The following OLFML2B variants were observed in gnomAD, a reference collection of about 807,000 sequenced individuals.
OLFML2B encodes olfactomedin-like protein 2B.
OLFML2B carries 57 observed loss-of-function variants against 74.9 expected under a neutral mutation model. The observed-to-expected ratio is 0.76, with a 90% CI of 0.61 to 0.95. The LOEUF is 0.95. Ranked by LOEUF, OLFML2B falls within the 40% of genes least tolerant of loss-of-function variation. The pLI is 0.00. For synonymous variants in OLFML2B, 388 were observed against 405.8 expected (o/e 0.96, Z 0.53); for missense variants, 986 against 970.6 (o/e 1.02, Z -0.21).
At chr1:162,015,934 TA>T (rs1233087355) in intron 3 of OLFML2B, among the ~76,000 whole-genome samples, 1 of 152,174 alleles carries the variant, frequency 6.6e-6, no homozygotes, top group Non-Finnish European at 1.5e-5. Context: ...TCAGACCTCA[TA>T]TCTGATGTGA....
chr1:162,010,072 G>A (rs1690334416), intron 3 of OLFML2B, among the ~76,000 whole-genome samples: 1 of 152,232 alleles, frequency 6.6e-6, no homozygotes, highest in African/African-American at 2.4e-5. Flanking sequence ...GCAGAAGCAA[G>A]TGTACCCATG....
At chr1:162,012,446 T>G (rs1690416532) in intron 3 of OLFML2B, among the ~76,000 whole-genome samples, 1 of 152,216 alleles carries the variant, frequency 6.6e-6, no homozygotes, top group Non-Finnish European at 1.5e-5. Flanking sequence ...CCCTCAGCAA[T>G]GCCTGTGCCA....
intron 2 of OLFML2B, among the ~76,000 whole-genome samples, chr1:162,019,637 G>A (rs1690640514): frequency 6.6e-6 from 1 of 152,108 alleles, no homozygotes; most frequent in Non-Finnish European, 1.5e-5. Flanking sequence ...CTTGAAGAAC[G>A]CTGAGTTCTT....
At chr1:161,991,302 A>G (rs2101949864) in intron 6 of OLFML2B, among the ~76,000 whole-genome samples, 1 of 152,352 alleles carries the variant, frequency 6.6e-6, no homozygotes, top group East Asian at 1.9e-4. Context: ...ATAAGACTTG[A>G]AAGTCAAAAA....
chr1:162,022,808 T>A (rs1690760800), intron 1 of OLFML2B, among the ~76,000 whole-genome samples: 1 of 152,090 alleles, frequency 6.6e-6, no homozygotes, highest in African/African-American at 2.4e-5. Flanking sequence ...CATGCTTCTG[T>A]TCTGACTTCA....
chr1:162,018,845 GA>G (rs889841480), intron 2 of OLFML2B, among the ~76,000 whole-genome samples: 1 of 152,220 alleles, frequency 6.6e-6, no homozygotes, highest in African/African-American at 2.4e-5. Flanking sequence ...CCTACCAGAG[GA>G]AGAGAGCTGA....
At chr1:162,004,841 A>G (rs1026440347) in intron 4 of OLFML2B, among the ~76,000 whole-genome samples, 1 of 152,194 alleles carries the variant, frequency 6.6e-6, no homozygotes, top group Non-Finnish European at 1.5e-5. Flanking sequence ...GACTCCCCGA[A>G]GCCGAGGGGA....
At chr1:161,998,423 G>A (rs1162395711) in intron 5 of OLFML2B, 74 bp from the exon 6 acceptor site, 1 of 1,483,750 alleles carries the variant, frequency 6.7e-7, no homozygotes, top group Non-Finnish European at 9.1e-7. Context: ...ACATGGCAAT[G>A]AGCAGGTGAA....
intron 4 of OLFML2B, 45 bp downstream of exon 4, chr1:162,006,252 C>T: frequency 6.7e-7 from 1 of 1,501,288 alleles, no homozygotes; most frequent in Non-Finnish European, 8.9e-7. Context: ...TGATATCACA[C>T]TTCCAGGGCT....
intron 6 of OLFML2B, among the ~76,000 whole-genome samples, chr1:161,996,872 T>A (rs746115363): frequency 1.3e-5 from 2 of 152,224 alleles, no homozygotes; most frequent in Non-Finnish European, 2.9e-5. Flanking sequence ...AAAACTCCTA[T>A]TCAGGCCCAG....
At chr1:162,013,171 C>T (rs1296655297) in intron 3 of OLFML2B, among the ~76,000 whole-genome samples, 1 of 152,170 alleles carries the variant, frequency 6.6e-6, no homozygotes, top group East Asian at 1.9e-4. Flanking sequence ...AGACTTTTAA[C>T]TCCTATCTCT....
At chr1:161,993,026 G>A (rs1689786003) in intron 6 of OLFML2B, among the ~76,000 whole-genome samples, 3 of 152,050 alleles carry the variant, frequency 2.0e-5, no homozygotes, top group African/African-American at 4.8e-5. Flanking sequence ...GGGCATGCCT[G>A]TATGTCTTTA....
rs12039519 is a variant in OLFML2B, at chr1:161,983,610, G to A, written c.*65C>T. 0.033 allele frequency: 49,917 copies of A among 1,524,914 alleles called. 2,688 individuals carry two copies. Among genetic ancestry groups the A allele is most frequent in the African/African-American group, 0.23 (16,755 of 72,552 alleles). 94.5% of individuals were successfully genotyped at this position (1,524,914 alleles called of 1,614,324 possible). On this transcript the variant is annotated 3_prime_UTR_variant, in exon 8 of 8. Coordinates refer to ENST00000294794, the MANE Select transcript of OLFML2B (RefSeq NM_015441.3). ...CACATACCCACCTACACACACGTGC[G>A]CGCACACACATACACACAAGGTGCT...
Position 161,984,971 on chromosome 1 carries a change from T to C in OLFML2B, c.1484A>G (p.Lys495Arg). Residue 495 changes from lysine to arginine, a missense_variant, in exon 7 of 8, where the codon AAG becomes AGG. Lys to Arg is a conservative substitution (Grantham distance 26). Transcript: ENST00000294794. Reference sequence around the variant, plus strand: ...CCCCGTGATTGTGGAGAGAGTGTCCTTGCACCTTCCTGGTGGAGAAGAGGT... The same window carrying C: ...CCCCGTGATTGTGGAGAGAGTGTCCCTGCACCTTCCTGGTGGAGAAGAGGT... ...DDIRNVIGRC[K>R]DTLSTITGPT... 4.4e-6 allele frequency: 7 copies of C among 1,607,182 alleles called. No individual in the cohort carries two copies. The highest frequency in any genetic ancestry group is 1.1e-5 in the South Asian group (1 of 90,566).
chr1:162,007,117 T>C (rs994708864), intron 3 of OLFML2B, among the ~76,000 whole-genome samples: 3 of 152,202 alleles, frequency 2.0e-5, no homozygotes, highest in African/African-American at 7.2e-5. Context: ...CCAGACCTGG[T>C]TCATACCAGA....
At chr1:162,011,517 C>T (rs957692607) in intron 3 of OLFML2B, among the ~76,000 whole-genome samples, 4 of 152,218 alleles carry the variant, frequency 2.6e-5, no homozygotes, top group Non-Finnish European at 4.4e-5. Flanking sequence ...TGGAAACAGC[C>T]GGTGCTCCTG....
At chr1:161,989,578 T>C (rs1376463365) in intron 6 of OLFML2B, among the ~76,000 whole-genome samples, 2 of 152,190 alleles carry the variant, frequency 1.3e-5, no homozygotes, top group East Asian at 3.8e-4. Flanking sequence ...TTTTTGGGCA[T>C]ATGATCTGTG....
At chr1:162,009,632 C>A (rs1690318799) in intron 3 of OLFML2B, among the ~76,000 whole-genome samples, 1 of 152,230 alleles carries the variant, frequency 6.6e-6, no homozygotes, top group South Asian at 2.1e-4. Context: ...TTATTCCCCT[C>A]ACGGGAATGG....
intron 4 of OLFML2B, among the ~76,000 whole-genome samples, chr1:162,000,773 T>C (rs1010495303): frequency 2.0e-5 from 3 of 152,158 alleles, no homozygotes; most frequent in East Asian, 1.9e-4. Flanking sequence ...GAGATCCATG[T>C]GAGGGGAAGG....
Sources: gnomAD v4.1 joint callset for allele counts (sites outside exome capture counted in the v4.1 genomes callset) on GRCh38, gnomAD v4.1.1 for gene constraint, MANE v1.5 for transcripts, NCBI Gene and HGNC (gene_info 2026-07-23, HGNC 2026-07-21) for gene names.